Variants in DHRS4L2 observed in about 807,000 individuals in gnomAD.
DHRS4L2 encodes dehydrogenase/reductase SDR family member 4-like 2.
A neutral mutation model predicts 23.9 loss-of-function variants in DHRS4L2; 22 were observed. The observed-to-expected ratio is 0.92, with a 90% CI of 0.66 to 1.31. The LOEUF is 1.31. Ranked by LOEUF, DHRS4L2 falls within the 40% of genes most tolerant of loss-of-function variation. The pLI, the probability that DHRS4L2 is intolerant of heterozygous loss-of-function variation, is 0.00. For missense variants in DHRS4L2, 385 were observed against 303.3 expected (o/e 1.27, Z -2.00); for synonymous variants, 141 against 123.7 (o/e 1.14, Z -0.93).
intron 1 of DHRS4L2, among the ~76,000 whole-genome samples, chr14:23,974,976 A>T (rs1012791676): frequency 5.3e-5 from 8 of 151,842 alleles, no homozygotes; most frequent in Non-Finnish European, 1.0e-4. Flanking sequence ...AGTATCCCTG[A>T]TGAACATCAA....
intron 2 of DHRS4L2, among the ~76,000 whole-genome samples, chr14:23,993,715 T>C (rs1455656080): frequency 1.3e-5 from 2 of 151,688 alleles, no homozygotes. Flanking sequence ...GTTTCTGCCT[T>C]GAATCTTTCA....
upstream of DHRS4L2, among the ~76,000 whole-genome samples, chr14:23,984,271 TA>T (rs1402555620): frequency 9.0e-4 from 137 of 151,858 alleles, 3 homozygotes; most frequent in African/African-American, 3.2e-3. Context: ...ACTTTTCACA[TA>T]ACTTTCTTTC....
At chr14:23,987,295 T>A (rs1256468940), upstream of DHRS4L2, 1 of 272,474 alleles carries the variant, frequency 3.7e-6, no homozygotes, top group African/African-American at 2.4e-5. Context: ...CACGCCCGGC[T>A]AATTTTTTGT....
chr14:23,994,968 A>C, intron 2 of DHRS4L2, 64 bp from the exon 3 acceptor site: 1 of 1,594,742 alleles, frequency 6.3e-7, no homozygotes, highest in African/African-American at 1.3e-5. Context: ...GTTTTTATCA[A>C]CATGGGTAAA....
intron 5 of DHRS4L2, 57 bp from the exon 6 acceptor site, chr14:24,001,327 T>G: frequency 6.3e-7 from 1 of 1,584,290 alleles, no homozygotes; most frequent in Non-Finnish European, 8.6e-7. Flanking sequence ...TGTCTAGTTA[T>G]TAGAACCAAG....
chr14:23,971,058 T>G (rs1035750481), intron 1 of DHRS4L2, among the ~76,000 whole-genome samples: 1 of 151,940 alleles, frequency 6.6e-6, no homozygotes, highest in Non-Finnish European at 1.5e-5. Context: ...AGAGCAGAAA[T>G]GCTGAAACTT....
intron 1 of DHRS4L2, among the ~76,000 whole-genome samples, chr14:23,978,100 T>C (rs900245635): frequency 3.3e-5 from 5 of 151,558 alleles, no homozygotes; most frequent in African/African-American, 1.2e-4. Flanking sequence ...TCTCACCCTT[T>C]TATTATTTTA....
chr14:23,973,042 A>C (rs2033894536), intron 1 of DHRS4L2, among the ~76,000 whole-genome samples: 1 of 151,910 alleles, frequency 6.6e-6, no homozygotes, highest in African/African-American at 2.4e-5. Flanking sequence ...ATCGGGATTT[A>C]TACCGAGACA....
chr14:23,970,032 G>A (rs1393410659), exon 1 of DHRS4L2: 2 of 456,174 alleles, frequency 4.4e-6, no homozygotes, highest in South Asian at 3.1e-5. Context: ...TAGCATGTGC[G>A]GCTGCTCCAC....
intron 3 of DHRS4L2, among the ~76,000 whole-genome samples, chr14:23,999,696 GTTAT>G (rs2034451367): frequency 1.5e-5 from 2 of 133,120 alleles, no homozygotes; most frequent in African/African-American, 6.0e-5. Context: ...TTTATTTTAG[GTTAT>G]TTATTTATTT....
exon 1 of DHRS4L2, chr14:23,970,047 G>A (rs1220712156): frequency 2.2e-6 from 1 of 456,342 alleles, no homozygotes; most frequent in Non-Finnish European, 4.4e-6. Flanking sequence ...CTCCACAGCG[G>A]TGTGGGTGGC....
intron 3 of DHRS4L2, among the ~76,000 whole-genome samples, chr14:23,998,096 G>A (rs2034417805): frequency 6.6e-6 from 1 of 151,968 alleles, no homozygotes; most frequent in Non-Finnish European, 1.5e-5. Flanking sequence ...GAGCTTTTGA[G>A]TGACCAGGTG....
intron 1 of DHRS4L2, among the ~76,000 whole-genome samples, chr14:23,976,552 C>G (rs2033970786): frequency 6.6e-6 from 1 of 151,794 alleles, no homozygotes; most frequent in African/African-American, 2.4e-5. Flanking sequence ...GTGGCCATTC[C>G]TCAAGGATCT....
chr14:23,982,074 G>C (rs1383600380), intron 1 of DHRS4L2, among the ~76,000 whole-genome samples: 1 of 151,602 alleles, frequency 6.6e-6, no homozygotes, highest in Non-Finnish European at 1.5e-5. Flanking sequence ...ACCCTTCATG[G>C]GTGTCGGGCT....
chr14:24,001,226 C>T (rs1372483164), intron 5 of DHRS4L2, 142 bp downstream of exon 5: 4 of 1,579,122 alleles, frequency 2.5e-6, no homozygotes, highest in South Asian at 1.2e-5. Context: ...CTTGCCTCCA[C>T]AAACCATAAC....
chr14:24,001,125 C>T (rs948992046), intron 5 of DHRS4L2, 41 bp downstream of exon 5: 18 of 1,609,780 alleles, frequency 1.1e-5, no homozygotes, highest in Non-Finnish European at 1.4e-5. Flanking sequence ...CCACCCTCCA[C>T]TCCACATCTT....
chr14:23,983,023 A>G (rs1374619843), intron 1 of DHRS4L2, among the ~76,000 whole-genome samples: 1 of 151,662 alleles, frequency 6.6e-6, no homozygotes, highest in Admixed American at 6.6e-5. Context: ...AAGTCCAAAT[A>G]GACAAATTGG....
chr14:23,983,226 G>A (rs372554327), intron 1 of DHRS4L2, among the ~76,000 whole-genome samples: 10 of 151,698 alleles, frequency 6.6e-5, no homozygotes, highest in African/African-American at 2.2e-4. Context: ...GGCTAAGGAT[G>A]TGAACAGACA....
At position 23,969,937 on chromosome 14, in the gene DHRS4L2, A is replaced by T. The variant is rs1566482301; in HGVS notation, c.-571A>T. The T allele has an allele frequency of 6.7e-6, 3 of 450,128 alleles. 1 individual carries two copies. The highest frequency in any genetic ancestry group is 8.9e-6 in the Non-Finnish European group (2 of 224,602). The allele number at this position is 450,128 out of a possible 1,614,324, so 27.9% of individuals were successfully genotyped here. A position where few individuals can be genotyped will look rare whatever the true frequency, so the allele number is the denominator to read the frequency against. ...CCGCGCTCCAAGGCCCGGTGGGGGGAGGGGCGCTCACGCAACCGCCACTGT... is the reference window on the plus strand; with the variant it reads ...CCGCGCTCCAAGGCCCGGTGGGGGGTGGGGCGCTCACGCAACCGCCACTGT... On this transcript the variant is annotated 5_prime_UTR_variant, in exon 1 of 6. Transcript: ENST00000534993.
Sources: allele counts gnomAD v4.1 joint callset (sites outside exome capture counted in the v4.1 genomes callset), GRCh38; gene constraint gnomAD v4.1.1; transcripts MANE v1.5; gene names NCBI Gene and HGNC (gene_info 2026-07-23, HGNC 2026-07-21).